The following IPO11 variants were observed in gnomAD, a reference collection of about 807,000 sequenced individuals.
IPO11 encodes the protein importin 11, also known as importin-11.
A neutral mutation model predicts 143.2 loss-of-function variants in IPO11; 66 were observed. The observed-to-expected ratio is 0.46, with a 90% CI of 0.38 to 0.57. IPO11 has a LOEUF of 0.57. IPO11 is among the 20% of genes least tolerant of loss of function. The pLI is 0.00. For missense variants in IPO11, 1,026 were observed against 1,141.0 expected (o/e 0.90, Z 1.45); for synonymous variants, 385 against 377.8 (o/e 1.02, Z -0.22).
chr5:62,525,623 G>T (rs756843138), intron 20 of IPO11, among the ~76,000 whole-genome samples: 2 of 152,192 alleles, frequency 1.3e-5, no homozygotes, highest in African/African-American at 2.4e-5. Flanking sequence ...GCCCCAAGCA[G>T]TCCTCCCGCC....
intron 1 of IPO11, among the ~76,000 whole-genome samples, chr5:62,423,639 G>A (rs1460278807): frequency 6.6e-6 from 1 of 152,104 alleles, no homozygotes; most frequent in African/African-American, 2.4e-5. Context: ...CCATCATCCA[G>A]CTTTAACAAT....
At chr5:62,580,794 T>C (rs1283929644) in intron 27 of IPO11, 7 of 1,551,304 alleles carry the variant, frequency 4.5e-6, no homozygotes, top group Admixed American at 3.9e-5. Context: ...CTGAGAACAT[T>C]ACTTTCTGGG....
chr5:62,570,172 A>G (rs1169484278), intron 27 of IPO11, among the ~76,000 whole-genome samples: 1 of 152,206 alleles, frequency 6.6e-6, no homozygotes, highest in Non-Finnish European at 1.5e-5. Flanking sequence ...TCTGTATACA[A>G]AGCAATTTCA....
At chr5:62,520,122 C>T (rs1038282282) in intron 20 of IPO11, among the ~76,000 whole-genome samples, 1 of 152,212 alleles carries the variant, frequency 6.6e-6, no homozygotes, top group African/African-American at 2.4e-5. Flanking sequence ...GATAATCTTC[C>T]TATCTAAGGT....
intron 1 of IPO11, among the ~76,000 whole-genome samples, chr5:62,424,749 T>G (rs1331962882): frequency 6.6e-6 from 1 of 152,096 alleles, no homozygotes; most frequent in Non-Finnish European, 1.5e-5. Context: ...ATCTGAATAT[T>G]TGTTCTTATC....
chr5:62,430,496 A>G (rs559562231), intron 1 of IPO11, among the ~76,000 whole-genome samples: 58 of 151,444 alleles, frequency 3.8e-4, no homozygotes, highest in Non-Finnish European at 6.9e-4. Flanking sequence ...AACTTTTTCT[A>G]TTTTTGGTAG....
intron 29 of IPO11, among the ~76,000 whole-genome samples, chr5:62,619,926 T>C (rs1746285120): frequency 6.6e-6 from 1 of 152,018 alleles, no homozygotes; most frequent in East Asian, 1.9e-4. Flanking sequence ...GAAAATTCTG[T>C]CTTCTGTAAC....
chr5:62,428,867 A>G (rs752368359), intron 1 of IPO11, among the ~76,000 whole-genome samples: 8 of 151,758 alleles, frequency 5.3e-5, no homozygotes, highest in Non-Finnish European at 1.0e-4. Context: ...AGGTCTCACT[A>G]TGCTTCCCTG....
chr5:62,478,694 C>G (rs1746058198), intron 9 of IPO11, among the ~76,000 whole-genome samples: 1 of 152,108 alleles, frequency 6.6e-6, no homozygotes, highest in Non-Finnish European at 1.5e-5. Context: ...ATTTTCTGTA[C>G]TTTTTCATGT....
intron 24 of IPO11, among the ~76,000 whole-genome samples, chr5:62,542,404 G>A (rs1167121505): frequency 6.6e-6 from 1 of 152,056 alleles, no homozygotes; most frequent in Admixed American, 6.6e-5. Flanking sequence ...TGAAGGCTGG[G>A]CAAACTCAAA....
At chr5:62,525,243 A>G (rs925599636) in intron 20 of IPO11, among the ~76,000 whole-genome samples, 1 of 152,136 alleles carries the variant, frequency 6.6e-6, no homozygotes, top group Non-Finnish European at 1.5e-5. Context: ...TCATATACAG[A>G]TATCTAGATA....
chr5:62,458,023 T>A (rs1485763841), intron 5 of IPO11, among the ~76,000 whole-genome samples: 1 of 151,288 alleles, frequency 6.6e-6, no homozygotes, highest in African/African-American at 2.4e-5. Flanking sequence ...GGTGGGCGCC[T>A]GTAGTCCCAG....
intron 22 of IPO11, among the ~76,000 whole-genome samples, chr5:62,531,122 C>A (rs1292027423): frequency 6.6e-6 from 1 of 152,168 alleles, no homozygotes; most frequent in Non-Finnish European, 1.5e-5. Context: ...TGAGAACATA[C>A]ATACCTTCCA....
chr5:62,608,225 A>T (rs1240163182), intron 29 of IPO11, among the ~76,000 whole-genome samples: 1 of 151,992 alleles, frequency 6.6e-6, no homozygotes, highest in Non-Finnish European at 1.5e-5. Context: ...ATCTATTTTG[A>T]ACTTTATCTG....
intron 16 of IPO11, among the ~76,000 whole-genome samples, chr5:62,495,435 T>A (rs1355892828): frequency 1.3e-5 from 2 of 152,200 alleles, no homozygotes; most frequent in African/African-American, 4.8e-5. Context: ...TTCAATTAAG[T>A]TTTCTTTGGG....
At chr5:62,615,347 GT>G (rs1387429686) in intron 29 of IPO11, among the ~76,000 whole-genome samples, 1 of 152,170 alleles carries the variant, frequency 6.6e-6, no homozygotes, top group African/African-American at 2.4e-5. Flanking sequence ...AGCCACCCAT[GT>G]TTTGTTGGTT....
Position 62,581,472 on chromosome 5 carries a change from A to G in IPO11, c.2583-10105A>G, listed in dbSNP as rs964080679. ...TTTGTGAACAGTGTATTCATTTAGC[A>G]AATATTTTCTTTGATATATACTGTA... On this transcript the variant is annotated intron_variant, in intron 27 of 29. Transcript: ENST00000325324. 1.3e-5 allele frequency: 8 copies of G among 613,534 alleles called. No individual in the cohort carries two copies. In the African/African-American group the frequency reaches 1.6e-4, roughly 12 times the overall value. 38.0% of individuals were successfully genotyped at this position (613,534 alleles called of 1,614,324 possible).
At position 62,549,779 on chromosome 5, in the gene IPO11, A is replaced by T. The variant is rs144624026; in HGVS notation, c.2251-588A>T. On this transcript the variant is annotated intron_variant, in intron 24 of 29. Transcript: ENST00000325324. ...TTGTTGTAAAAGAAACATCTCACTCATATCAAAATAATTTTTAGTCAAGTT... is the reference window on the plus strand; with the variant it reads ...TTGTTGTAAAAGAAACATCTCACTCTTATCAAAATAATTTTTAGTCAAGTT... Among the ~76,000 whole-genome samples the T allele has an allele frequency of 6.6e-5, 10 of 152,366 alleles. No homozygotes were observed. In the East Asian group the frequency reaches 1.5e-3, roughly 23 times the overall value.
rs772546490 is a variant in IPO11 at position 62,469,412 on chromosome 5, A to G, written c.650-838A>G. On this transcript the variant is annotated intron_variant, in intron 6 of 29. Coordinates refer to ENST00000325324, the MANE Select transcript of IPO11 (RefSeq NM_016338.5). Reference sequence around the variant, plus strand: ...AACCGAAGGTCTAGTAGACAGCTACATTCTAAACCTAAATTTAATCCATTG... The same window carrying G: ...AACCGAAGGTCTAGTAGACAGCTACGTTCTAAACCTAAATTTAATCCATTG... 1.5e-4 allele frequency among the ~76,000 whole-genome samples: 23 copies of G among 152,218 alleles called. 1 individual carries two copies. The highest frequency in any genetic ancestry group is 2.6e-4 in the Admixed American group (4 of 15,286).
Sources: allele counts gnomAD v4.1 joint callset (sites outside exome capture counted in the v4.1 genomes callset), GRCh38; gene constraint gnomAD v4.1.1; transcripts MANE v1.5; gene names NCBI Gene and HGNC (gene_info 2026-07-23, HGNC 2026-07-21).